Variants in SGMS2 observed in about 807,000 individuals in gnomAD.
The protein encoded by SGMS2 is sphingomyelin synthase 2, also known as phosphatidylcholine:ceramide cholinephosphotransferase 2.
SGMS2 carries 21 observed loss-of-function variants against 43.8 expected under a neutral mutation model. The ratio of observed to expected loss-of-function variants is 0.48; its 90% CI spans 0.34 to 0.69. The LOEUF is 0.69. Ranked by LOEUF, SGMS2 falls within the 30% of genes least tolerant of loss-of-function variation. The probability of loss-of-function intolerance (pLI) is 0.01; values close to 1 mark genes in which losing one functional copy is unlikely to be tolerated. For missense variants in SGMS2, 384 were observed against 443.2 expected, an observed-to-expected ratio of 0.87 and a Z score of 1.20; for synonymous variants, 167 against 160.6, an observed-to-expected ratio of 1.04 and a Z score of -0.30.
At chr4:107,847,661 G>A (rs540487663) in intron 1 of SGMS2, among the ~76,000 whole-genome samples, 19 of 152,170 alleles carry the variant, frequency 1.2e-4, no homozygotes, top group Admixed American at 2.6e-4. Flanking sequence ...TGGGTGTTGC[G>A]TTGCATCTTA....
intron 1 of SGMS2, among the ~76,000 whole-genome samples, chr4:107,841,851 C>G (rs368507034): frequency 3.9e-5 from 6 of 152,074 alleles, no homozygotes; most frequent in African/African-American, 1.4e-4. Flanking sequence ...GGGTCTTGCA[C>G]TGTTGCCCAG....
chr4:107,838,345 A>C (rs1304447962), intron 1 of SGMS2, among the ~76,000 whole-genome samples: 1 of 152,206 alleles, frequency 6.6e-6, no homozygotes, highest in Non-Finnish European at 1.5e-5. Flanking sequence ...TCAAAGCACA[A>C]ATTAATTACT....
chr4:107,864,249 C>T (rs977568930), intron 2 of SGMS2: 8 of 152,190 alleles, frequency 5.3e-5, no homozygotes, highest in Admixed American at 3.9e-4. Flanking sequence ...CACCACATGC[C>T]AGGCTAGTGG....
intron 2 of SGMS2, among the ~76,000 whole-genome samples, chr4:107,891,239 A>T (rs1009069373): frequency 7.2e-5 from 11 of 151,860 alleles, no homozygotes; most frequent in African/African-American, 2.7e-4. Flanking sequence ...TTCGGATTTG[A>T]TCAAGTCGGA....
At chr4:107,866,858 A>G (rs1461832056) in intron 2 of SGMS2, 1 of 152,204 alleles carries the variant, frequency 6.6e-6, no homozygotes, top group Non-Finnish European at 1.5e-5. Flanking sequence ...TCTGTAAAGT[A>G]ATGGTGTTAC....
chr4:107,860,337 A>G (rs1203749686), intron 2 of SGMS2, among the ~76,000 whole-genome samples: 1 of 152,114 alleles, frequency 6.6e-6, no homozygotes, highest in African/African-American at 2.4e-5. Flanking sequence ...ATAGTGATCT[A>G]TTGATGGACA....
chr4:107,895,503 C>A lies in SGMS2; in HGVS notation c.-51C>A. 1 of 1,531,958 alleles carries A rather than the reference C, an allele frequency of 6.5e-7. No homozygotes were observed. The highest frequency in any genetic ancestry group is 8.8e-7 in the Non-Finnish European group (1 of 1,138,738). The allele number at this position is 1,531,958 out of a possible 1,614,324, so 94.9% of individuals were successfully genotyped here. A position where few individuals can be genotyped will look rare whatever the true frequency, so the allele number is the denominator to read the frequency against. ...AGGATTGAAAAAAGCTAAATTTCCA[C>A]AAAGAACAAGAACTTGACCATCTCC... On this transcript the variant is annotated 5_prime_UTR_variant, in exon 3 of 7. Coordinates refer to ENST00000690982, the MANE Select transcript of SGMS2 (RefSeq NM_001375905.1).
In SGMS2 at chr4:107,911,926, CT is replaced by C. The variant is rs1295360783; in HGVS notation, c.*1377del. Reference sequence around the variant, plus strand: ...GCTACTTGAAGGTTAATTTGCAAGACTTTTAAAACCTTAGAAAAGTTTTAAG... The same window carrying C: ...GCTACTTGAAGGTTAATTTGCAAGACTTTAAAACCTTAGAAAAGTTTTAAG... On this transcript the variant is annotated 3_prime_UTR_variant, in exon 7 of 7. Transcript: ENST00000690982. The C allele has an allele frequency of 2.0e-5, 3 of 152,148 alleles. No homozygotes were observed. Among genetic ancestry groups the C allele is most frequent in the Non-Finnish European group, 4.4e-5 (3 of 68,024 alleles). 9.4% of individuals were successfully genotyped at this position (152,148 alleles called of 1,614,324 possible).
In SGMS2 at chr4:107,914,456, G is replaced by T. The variant is rs1285561346; in HGVS notation, c.*3903G>T. On this transcript the variant is annotated 3_prime_UTR_variant, in exon 7 of 7. Coordinates refer to ENST00000690982, the MANE Select transcript of SGMS2 (RefSeq NM_001375905.1). ...AATGATTAATGCTGCAAAATGTATG[G>T]TTATGTTACCGTATATTCACAAAAG... 1.3e-5 allele frequency: 2 copies of T among 152,018 alleles called. No individual in the cohort carries two copies. Among genetic ancestry groups the T allele is most frequent in the Non-Finnish European group, 2.9e-5 (2 of 67,960 alleles). 9.4% of individuals were successfully genotyped at this position (152,018 alleles called of 1,614,324 possible).
At chr4:107,878,018 T>G (rs1046056747) in intron 2 of SGMS2, among the ~76,000 whole-genome samples, 35 of 149,050 alleles carry the variant, frequency 2.3e-4, no homozygotes, top group African/African-American at 8.0e-4. Context: ...CGGGTTTAAG[T>G]GATTCTCCTG....
intron 6 of SGMS2, among the ~76,000 whole-genome samples, chr4:107,908,999 TAA>T (rs1466560395): frequency 1.3e-5 from 2 of 152,190 alleles, no homozygotes; most frequent in African/African-American, 4.8e-5. Context: ...TGTACTAAAT[TAA>T]AATTTAGGAA....
chr4:107,906,481 C>A (rs1381174890), intron 5 of SGMS2, among the ~76,000 whole-genome samples: 3 of 152,190 alleles, frequency 2.0e-5, no homozygotes, highest in Non-Finnish European at 4.4e-5. Flanking sequence ...GGCCACCCTA[C>A]CAAGTCTCTA....
chr4:107,901,854 C>T (rs918978637), intron 4 of SGMS2, among the ~76,000 whole-genome samples: 2 of 151,858 alleles, frequency 1.3e-5, no homozygotes, highest in Non-Finnish European at 2.9e-5. Flanking sequence ...CTTTCTAGGG[C>T]GAGCTATCCC....
chr4:107,833,114 C>T (rs763886690), intron 1 of SGMS2, among the ~76,000 whole-genome samples: 29 of 152,166 alleles, frequency 1.9e-4, no homozygotes, highest in Admixed American at 6.5e-4. Flanking sequence ...ATGGTCGACC[C>T]TGGTGATGAT....
intron 2 of SGMS2, among the ~76,000 whole-genome samples, chr4:107,890,338 G>A (rs1730098469): frequency 6.6e-6 from 1 of 152,080 alleles, no homozygotes; most frequent in Admixed American, 6.6e-5. Context: ...GACAGCAGAA[G>A]TAAATGAAGA....
At chr4:107,852,746 A>ATTTTTT (rs56359938) in intron 1 of SGMS2, among the ~76,000 whole-genome samples, 64 of 146,704 alleles carry the variant, frequency 4.4e-4, no homozygotes, top group South Asian at 2.2e-3. Context: ...CTTGTTTCTC[A>ATTTTTT]TTTTTTTTTT....
At chr4:107,850,722 A>G (rs897264302) in intron 1 of SGMS2, among the ~76,000 whole-genome samples, 5 of 152,110 alleles carry the variant, frequency 3.3e-5, no homozygotes, top group South Asian at 2.1e-4. Flanking sequence ...TGGCTGACCT[A>G]TTTACGTGGT....
At chr4:107,832,352 TA>T (rs1243039001) in intron 1 of SGMS2, among the ~76,000 whole-genome samples, 5 of 152,224 alleles carry the variant, frequency 3.3e-5, no homozygotes, top group African/African-American at 1.2e-4. Context: ...CAGGAGCATT[TA>T]AAAGTTTATT....
intron 1 of SGMS2, among the ~76,000 whole-genome samples, chr4:107,856,769 A>C (rs1727456202): frequency 6.6e-6 from 1 of 152,204 alleles, no homozygotes; most frequent in Non-Finnish European, 1.5e-5. Context: ...AGTAATGCTT[A>C]CTGGAATATA....
Sources: allele counts gnomAD v4.1 joint callset (sites outside exome capture counted in the v4.1 genomes callset), GRCh38; gene constraint gnomAD v4.1.1; transcripts MANE v1.5; gene names NCBI Gene and HGNC (gene_info 2026-07-23, HGNC 2026-07-21).